The following NRL variants were observed in gnomAD, a reference collection of about 807,000 sequenced individuals.
The protein encoded by NRL is neural retina leucine zipper, also known as neural retina-specific leucine zipper protein.
Under a neutral mutation model 12.5 loss-of-function variants are expected in NRL, and 16 were observed. The observed-to-expected ratio is 1.28, with a 90% CI of 0.87 to 1.95. NRL has a LOEUF of 1.95. Among genes scored for constraint, NRL ranks in the 30% most tolerant of loss-of-function variants. The pLI is 0.00. For synonymous variants in NRL, 142 were observed against 150.9 expected (o/e 0.94, Z 0.43); for missense variants, 314 against 325.8 (o/e 0.96, Z 0.28).
intron 1 of NRL, among the ~76,000 whole-genome samples, chr14:24,110,089 T>G (rs1318895207): frequency 1.3e-5 from 2 of 152,138 alleles, no homozygotes; most frequent in Non-Finnish European, 2.9e-5. Flanking sequence ...CCACTTTGTT[T>G]AATGATGTAA....
intron 1 of NRL, chr14:24,099,833 C>G: frequency 6.6e-7 from 1 of 1,508,250 alleles, no homozygotes. Context: ...AACACCCAAC[C>G]CTGCTCCATT....
intron 1 of NRL, among the ~76,000 whole-genome samples, chr14:24,098,881 G>C (rs2037022714): frequency 6.6e-6 from 1 of 152,230 alleles, no homozygotes; most frequent in African/African-American, 2.4e-5. Flanking sequence ...CCGTGTCCAA[G>C]AATAGGGGCA....
At chr14:24,089,712 C>T (rs973917194) in intron 1 of NRL, among the ~76,000 whole-genome samples, 2 of 152,214 alleles carry the variant, frequency 1.3e-5, no homozygotes, top group Admixed American at 6.5e-5. Context: ...TCCACGAAGA[C>T]ATACTCTAAT....
At chr14:24,093,879 A>G (rs1032611479) in intron 1 of NRL, among the ~76,000 whole-genome samples, 2 of 152,178 alleles carry the variant, frequency 1.3e-5, no homozygotes, top group African/African-American at 4.8e-5. Context: ...CCCAGGACTC[A>G]GGGTGTCGCG....
chr14:24,082,952 A>G lies in NRL; in HGVS notation c.-27-77T>C, dbSNP rs1231508605. ...TCTTCACCAAGTCCCTCTTCCCTCA[A>G]AGCCCAAGTGCCCTGGAGCAAGAGT... On this transcript the variant is annotated intron_variant, in intron 1 of 2. Transcript: ENST00000561028. 9 of 1,404,754 alleles carry G rather than the reference A, an allele frequency of 6.4e-6. No individual in the cohort carries two copies. The Admixed American group carries it at 2.0e-4, about 31-fold the overall frequency. The allele number at this position is 1,404,754 out of a possible 1,614,324, so 87.0% of individuals were successfully genotyped here.
rs151020008 is a variant in NRL at position 24,092,059 on chromosome 14, T to C, written c.-27-9184A>G. Among the ~76,000 whole-genome samples, 294 of 152,338 alleles carry C rather than the reference T, an allele frequency of 1.9e-3. 3 individuals are homozygous for C. The highest frequency in any genetic ancestry group is 6.6e-3 in the African/African-American group (276 of 41,582). Reference sequence around the variant, plus strand: ...AGCCCGTGTCCACATATGTAAAATATAGTTGTGAAACAGAATGAGATTATG... The same window carrying C: ...AGCCCGTGTCCACATATGTAAAATACAGTTGTGAAACAGAATGAGATTATG... On this transcript the variant is annotated intron_variant, in intron 1 of 2. Transcript: ENST00000561028.
intron 1 of NRL, among the ~76,000 whole-genome samples, chr14:24,106,939 T>TA (rs1429626652): frequency 6.6e-6 from 1 of 152,064 alleles, no homozygotes; most frequent in Non-Finnish European, 1.5e-5. Flanking sequence ...TTGGGAAGAT[T>TA]AAAAGAGTCA....
intron 1 of NRL, chr14:24,095,247 G>A (rs1370245542): frequency 4.4e-6 from 2 of 455,670 alleles, no homozygotes; most frequent in Non-Finnish European, 8.8e-6. Context: ...TTAGAGGGCT[G>A]CAAGAGGGTG....
At position 24,080,043 on chromosome 14, in the gene NRL, T is replaced by G. The variant is rs1046677974; in HGVS notation, c.*1193A>C. The G allele has an allele frequency of 6.6e-6, 1 of 152,268 alleles. No individual in the cohort carries two copies. The highest frequency in any genetic ancestry group is 2.4e-5 in the African/African-American group (1 of 41,418). The allele number at this position is 152,268 out of a possible 1,614,324, so 9.4% of individuals were successfully genotyped here. A position where few individuals can be genotyped will look rare whatever the true frequency, so the allele number is the denominator to read the frequency against. On this transcript the variant is annotated 3_prime_UTR_variant, in exon 3 of 3. Transcript: ENST00000561028. ...GGGGACTTCCCTTTTTCTTGCTCTC[T>G]CTCTCTCTCCCTCTCTCTCCCTCTC...
In NRL at chr14:24,094,003, T is replaced by G. The variant is rs4982856; in HGVS notation, c.-27-11128A>C. ...CCTCGTTCCTAGCTTGTTTGCCACC[T>G]AGTGTCTCTCCCGGGAGCAAGAGTC... On this transcript the variant is annotated intron_variant, in intron 1 of 2. Transcript: ENST00000561028. This position sits in a 1 kb window ranked among gnomAD's most constrained non-coding sequence, Gnocchi z 4.1. The G allele has an allele frequency of 2.0e-6, 1 of 509,988 alleles. No individual in the cohort carries two copies. The highest frequency in any genetic ancestry group is 3.4e-6 in the Non-Finnish European group (1 of 291,482). The allele number at this position is 509,988 out of a possible 1,614,324, so 31.6% of individuals were successfully genotyped here. A position where few individuals can be genotyped will look rare whatever the true frequency, so the allele number is the denominator to read the frequency against.
At chr14:24,092,369 C>T (rs961176698) in intron 1 of NRL, among the ~76,000 whole-genome samples, 2 of 152,198 alleles carry the variant, frequency 1.3e-5, no homozygotes, top group Non-Finnish European at 2.9e-5. Context: ...ATCTGATTAG[C>T]TATGCAGGAT....
At chr14:24,096,745 C>T (rs1221930868) in intron 1 of NRL, 1 of 714,716 alleles carries the variant, frequency 1.4e-6, no homozygotes, top group Admixed American at 2.1e-5. Flanking sequence ...TGAACACATC[C>T]CACACACCAA....
rs1483847746 is a variant in NRL, at chr14:24,114,908, G to A, written c.-214C>T. 9 of 985,884 alleles carry A rather than the reference G, an allele frequency of 9.1e-6. No homozygotes were observed. Among genetic ancestry groups the A allele is most frequent in the Non-Finnish European group, 1.1e-5 (9 of 829,988 alleles). The allele number at this position is 985,884 out of a possible 1,614,324, so 61.1% of individuals were successfully genotyped here. On this transcript the variant is annotated 5_prime_UTR_variant, in exon 1 of 3. Transcript: ENST00000561028. ...AAGGCCTCGCGCCGCTGCGGGTCCT[G>A]CGACCGCTCCTGGCTGGTGGGTGGT...
intron 1 of NRL, chr14:24,084,846 C>T (rs1039798484): frequency 6.7e-5 from 27 of 404,100 alleles, no homozygotes; most frequent in Non-Finnish European, 9.0e-5. Flanking sequence ...ACTGATGATC[C>T]GACTCCCAAG....
At chr14:24,103,168 CT>C (rs767496485) in intron 1 of NRL, 18 of 1,613,206 alleles carry the variant, frequency 1.1e-5, no homozygotes, top group African/African-American at 2.7e-5. Flanking sequence ...AGGGGTACCC[CT>C]GGTATACGAG....
chr14:24,081,884 C>G lies in NRL; in HGVS notation c.382-316G>C. 1.5e-6 allele frequency: 2 copies of G among 1,337,160 alleles called. No individual in the cohort carries two copies. Among genetic ancestry groups the G allele is most frequent in the Non-Finnish European group, 1.9e-6 (2 of 1,038,324 alleles). 82.8% of individuals were successfully genotyped at this position (1,337,160 alleles called of 1,614,324 possible). ...GATCCCCGGCATCCAGCTCCAGGCC[C>G]GGGTGTGTCCAGTGGACCCGCACCC... On this transcript the variant is annotated intron_variant, in intron 2 of 2. Coordinates refer to ENST00000561028, the MANE Select transcript of NRL (RefSeq NM_001354768.3). This position sits in a 1 kb window ranked among gnomAD's most constrained non-coding sequence, Gnocchi z 4.4.
At position 24,092,184 on chromosome 14, in the gene NRL, G is replaced by A. The variant is rs118026987; in HGVS notation, c.-27-9309C>T. ...CAAGTGGATTTGCATGCACAGTGTG[G>A]GGAGTGGCTTGGTAGGGAGAGGGGT... On this transcript the variant is annotated intron_variant, in intron 1 of 2. Transcript: ENST00000561028. 7.8e-3 allele frequency among the ~76,000 whole-genome samples: 1,181 copies of A among 152,268 alleles called. 10 individuals carry two copies. The highest frequency in any genetic ancestry group is 0.013 in the Non-Finnish European group (873 of 68,026).
intron 1 of NRL, chr14:24,097,063 G>C (rs374957509): frequency 2.5e-6 from 4 of 1,613,642 alleles, no homozygotes; most frequent in Non-Finnish European, 3.4e-6. Context: ...ATGGAACTGA[G>C]GCTGAGAATA....
Position 24,079,569 on chromosome 14 carries a change from G to A in NRL, c.*1667C>T, listed in dbSNP as rs1292496980. ...TCCCATTGCAGGCTCCTAAGCGGAG[G>A]AGGGATGAGCTGGGATAGAGGAGGG... On this transcript the variant is annotated 3_prime_UTR_variant, in exon 3 of 3. Coordinates refer to ENST00000561028, the MANE Select transcript of NRL (RefSeq NM_001354768.3). Among the ~76,000 whole-genome samples, 17 of 152,068 alleles carry A rather than the reference G, an allele frequency of 1.1e-4. No homozygotes were observed. The highest frequency in any genetic ancestry group is 1.1e-3 in the Admixed American group (17 of 15,278).
Sources: gnomAD v4.1 joint callset for allele counts (sites outside exome capture counted in the v4.1 genomes callset) on GRCh38, gnomAD v4.1.1 for gene constraint, Gnocchi (gnomAD v3.1) non-coding constraint, MANE v1.5 for transcripts, NCBI Gene and HGNC (gene_info 2026-07-23, HGNC 2026-07-21) for gene names.